ADGRB1: variants seen among roughly 807,000 people sequenced by gnomAD.
The protein encoded by ADGRB1 is brain-specific angiogenesis inhibitor 1.
In ADGRB1, 36 loss-of-function variants were observed where a neutral mutation model predicts 175.7. The ratio of observed to expected loss-of-function variants is 0.20; its 90% CI spans 0.16 to 0.27. ADGRB1 has a LOEUF of 0.27. Among genes scored for constraint, ADGRB1 ranks in the 10% least tolerant of loss-of-function variants. The pLI, the probability that ADGRB1 is intolerant of heterozygous loss-of-function variation, is 1.00. For missense variants in ADGRB1, 1,731 were observed against 2,255.3 expected (o/e 0.77, Z 4.71); for synonymous variants, 1,054 against 979.4 (o/e 1.08, Z -1.42).
Position 142,511,077 on chromosome 8 carries a change from A to T in ADGRB1, c.2817+4A>T. Reference sequence around the variant, plus strand: ...AGCCCAGCTCAGCGCCGACGCGGTGAGACCCCGGCCGGGCCGGCGGGAGGG... The same window carrying T: ...AGCCCAGCTCAGCGCCGACGCGGTGTGACCCCGGCCGGGCCGGCGGGAGGG... On this transcript the variant is annotated splice_donor_region_variant and intron_variant, in intron 18 of 30. Coordinates refer to ENST00000517894, the MANE Select transcript of ADGRB1 (RefSeq NM_001702.3). The surrounding 1 kb of genome is among the most constrained non-coding windows in gnomAD (Gnocchi z 4.5). 1 of 1,141,748 alleles carries T rather than the reference A, an allele frequency of 8.8e-7. No homozygotes were observed. The allele number at this position is 1,141,748 out of a possible 1,614,324, so 70.7% of individuals were successfully genotyped here. A position where few individuals can be genotyped will look rare whatever the true frequency, so the allele number is the denominator to read the frequency against.
chr8:142,477,301 G>A, intron 5 of ADGRB1, 23 bp downstream of exon 5: 1 of 1,588,362 alleles, frequency 6.3e-7, no homozygotes, highest in Non-Finnish European at 8.6e-7. Context: ...TTGGGCTGGG[G>A]CAGCGGACAG....
Position 142,543,982 on chromosome 8 carries a change from G to A in ADGRB1, c.4558-238G>A, listed in dbSNP as rs1845444270. 6.6e-6 allele frequency among the ~76,000 whole-genome samples: 1 copy of A among 152,120 alleles called. No individual in the cohort carries two copies. On this transcript the variant is annotated intron_variant, in intron 30 of 30. Coordinates refer to ENST00000517894, the MANE Select transcript of ADGRB1 (RefSeq NM_001702.3). The surrounding 1 kb of genome is among the most constrained non-coding windows in gnomAD (Gnocchi z 4.4). ...GCCAATCCAGGGCAGGGTCCCCACA[G>A]CCTGACCCGACCGTGGGGTTCGCAA...
At chr8:142,465,054 CGGGCGGATGGGGGAAGT>C (rs1840190641) in intron 2 of ADGRB1, 72 bp downstream of exon 2, 1 of 207,610 alleles carries the variant, frequency 4.8e-6, no homozygotes. Context: ...ACAGGGGAGG[CGGGCGGATGGGGGAAGT>C]GGGCGGACAG....
At chr8:142,532,592 G>A (rs561127675) in intron 24 of ADGRB1, among the ~76,000 whole-genome samples, 4 of 152,246 alleles carry the variant, frequency 2.6e-5, no homozygotes, top group African/African-American at 7.2e-5. Flanking sequence ...GTCTGTTGCC[G>A]TCTGTCTCTG....
chr8:142,494,190 C>T (rs1051983319), intron 17 of ADGRB1, among the ~76,000 whole-genome samples: 7 of 152,106 alleles, frequency 4.6e-5, no homozygotes, highest in African/African-American at 1.7e-4. Context: ...ACAGATAGAG[C>T]CCAGATCCCA....
Position 142,525,515 on chromosome 8 carries a change from C to T in ADGRB1, c.3313-1027C>T, listed in dbSNP as rs558540835. Among the ~76,000 whole-genome samples, 5 of 152,234 alleles carry T rather than the reference C, an allele frequency of 3.3e-5. No individual in the cohort carries two copies. In the South Asian group the frequency reaches 1.0e-3, roughly 32 times the overall value. On this transcript the variant is annotated intron_variant, in intron 23 of 30. Transcript: ENST00000517894. ...GCAGTGGTCCGTCACTGGTGTCCAT[C>T]CTCTCTTCTCTGCTCCGGCCACATC... is the stretch of plus-strand genomic sequence containing the variant.
intron 1 of ADGRB1, among the ~76,000 whole-genome samples, chr8:142,458,432 C>T (rs1229918057): frequency 6.6e-6 from 1 of 152,168 alleles, no homozygotes; most frequent in Non-Finnish European, 1.5e-5. Flanking sequence ...CCTTGCCCAC[C>T]TCATGCAGAA....
At chr8:142,472,170 C>G (rs1168585960) in intron 2 of ADGRB1, among the ~76,000 whole-genome samples, 4 of 152,180 alleles carry the variant, frequency 2.6e-5, no homozygotes, top group Non-Finnish European at 5.9e-5. Context: ...AGGGACGCCC[C>G]CTGTGCTCCC....
At chr8:142,466,479 C>G (rs1840282928) in intron 2 of ADGRB1, among the ~76,000 whole-genome samples, 1 of 152,194 alleles carries the variant, frequency 6.6e-6, no homozygotes, top group Admixed American at 6.5e-5. Flanking sequence ...TGGCCCAGCC[C>G]TCCAGTGGCC....
chr8:142,528,779 C>T (rs181238852), intron 24 of ADGRB1, among the ~76,000 whole-genome samples: 1 of 152,326 alleles, frequency 6.6e-6, no homozygotes, highest in African/African-American at 2.4e-5. Flanking sequence ...AGGCCACTCC[C>T]GTCCCCCCGA....
rs1035407009 is a variant in ADGRB1 at position 142,540,805 on chromosome 8, T to A, written c.3707-1136T>A. 2.6e-5 allele frequency among the ~76,000 whole-genome samples: 4 copies of A among 151,678 alleles called. No individual in the cohort carries two copies. The East Asian group carries it at 5.8e-4, about 22-fold the overall frequency. On this transcript the variant is annotated intron_variant, in intron 27 of 30. Coordinates refer to ENST00000517894, the MANE Select transcript of ADGRB1 (RefSeq NM_001702.3). ...TGACGGGGAGGATGACGGGTCACTC[T>A]TGGGTAGGGACGAGGGAAGGGGCGG...
chr8:142,482,478 T>C (rs1465416766), intron 11 of ADGRB1, among the ~76,000 whole-genome samples: 1 of 142,298 alleles, frequency 7.0e-6, no homozygotes, highest in Admixed American at 7.0e-5. Context: ...TGAACCCTGA[T>C]CCTGGTCACA....
At chr8:142,512,032 C>T (rs1310006345) in intron 18 of ADGRB1, among the ~76,000 whole-genome samples, 1 of 152,256 alleles carries the variant, frequency 6.6e-6, no homozygotes, top group Non-Finnish European at 1.5e-5. Context: ...ACTCCAGCCT[C>T]CTGGCTGTGT....
rs868205060 is a variant in ADGRB1 at position 142,511,993 on chromosome 8, T to C, written c.2817+920T>C. ...GGCCCTTGGGGAACCCCGGGTTCGA[T>C]GTAGAAGGTAGCGCCTAGCCTCTCG... On this transcript the variant is annotated intron_variant, in intron 18 of 30. Transcript: ENST00000517894. This position sits in a 1 kb window ranked among gnomAD's most constrained non-coding sequence, Gnocchi z 4.5. 6.6e-6 allele frequency among the ~76,000 whole-genome samples: 1 copy of C among 152,198 alleles called. No individual in the cohort carries two copies. The highest frequency in any genetic ancestry group is 1.5e-5 in the Non-Finnish European group (1 of 68,020).
intron 23 of ADGRB1, among the ~76,000 whole-genome samples, chr8:142,525,303 C>T (rs963750012): frequency 1.4e-5 from 2 of 146,766 alleles, no homozygotes; most frequent in African/African-American, 5.0e-5. Flanking sequence ...GGGTACCTGG[C>T]GGTACCCCAG....
chr8:142,470,338 A>T (rs1840591365), intron 2 of ADGRB1, among the ~76,000 whole-genome samples: 1 of 152,198 alleles, frequency 6.6e-6, no homozygotes, highest in South Asian at 2.1e-4. Context: ...CACGAGCGAC[A>T]TGGAAGATCA....
chr8:142,454,597 A>G, intron 1 of ADGRB1, among the ~76,000 whole-genome samples: 1 of 152,098 alleles, frequency 6.6e-6, no homozygotes, highest in East Asian at 1.9e-4. Context: ...GCAGGCAGAG[A>G]CTGGCAGTGG....
At chr8:142,487,208 C>T (rs1025130668) in intron 13 of ADGRB1, among the ~76,000 whole-genome samples, 4 of 152,164 alleles carry the variant, frequency 2.6e-5, no homozygotes, top group Admixed American at 6.5e-5. Context: ...AGCCCTCCAC[C>T]GCCCCTCGAT....
At position 142,543,351 on chromosome 8, in the gene ADGRB1, T is replaced by C. The variant is rs998039340; in HGVS notation, c.4414-52T>C. On this transcript the variant is annotated intron_variant, in intron 28 of 30. Coordinates refer to ENST00000517894, the MANE Select transcript of ADGRB1 (RefSeq NM_001702.3). The surrounding 1 kb of genome is among the most constrained non-coding windows in gnomAD (Gnocchi z 4.4). ...CCTCAGTCTGAGGCAGGGAGAGGCG[T>C]GGACTTGTCAGGGACCCTTGGCGAA... 25 of 1,609,820 alleles carry C rather than the reference T, an allele frequency of 1.6e-5. No individual in the cohort carries two copies. The Admixed American group carries it at 4.0e-4, about 26-fold the overall frequency.
Sources: gnomAD v4.1 joint callset for allele counts (sites outside exome capture counted in the v4.1 genomes callset) on GRCh38, gnomAD v4.1.1 for gene constraint, Gnocchi (gnomAD v3.1) non-coding constraint, MANE v1.5 for transcripts, NCBI Gene and HGNC (gene_info 2026-07-23, HGNC 2026-07-21) for gene names.